Variants in COL14A1 observed in about 807,000 individuals in gnomAD.
COL14A1 encodes the protein collagen alpha-1(XIV) chain.
In COL14A1, 136 loss-of-function variants were observed where a neutral mutation model predicts 230.3. The ratio of observed to expected loss-of-function variants is 0.59; its 90% CI spans 0.51 to 0.68. The LOEUF (loss-of-function observed/expected upper bound fraction) is 0.68. COL14A1 is among the 30% of genes least tolerant of loss of function. The probability of loss-of-function intolerance (pLI) is 0.00; values close to 1 mark genes in which losing one functional copy is unlikely to be tolerated. For missense variants in COL14A1, 1,976 were observed against 2,215.8 expected, an observed-to-expected ratio of 0.89 and a Z score of 2.17; for synonymous variants, 792 against 784.1, an observed-to-expected ratio of 1.01 and a Z score of -0.17.
At chr8:120,204,034 T>A (rs1817347148) in intron 9 of COL14A1, among the ~76,000 whole-genome samples, 164 bp downstream of exon 9, 1 of 152,124 alleles carries the variant, frequency 6.6e-6, no homozygotes, top group South Asian at 2.1e-4. Flanking sequence ...ATTAGCAGGC[T>A]TTGTGGGGGT....
rs397705616 is a variant in COL14A1 at position 120,280,903 on chromosome 8, C to CT, written c.3686-3dup. 0.033 allele frequency: 45,514 copies of CT among 1,368,300 alleles called. 152 individuals carry two copies. The highest frequency in any genetic ancestry group is 0.084 in the African/African-American group (5,538 of 66,316). The allele number at this position is 1,368,300 out of a possible 1,614,324, so 84.8% of individuals were successfully genotyped here. A position where few individuals can be genotyped will look rare whatever the true frequency, so the allele number is the denominator to read the frequency against. On this transcript the variant is annotated splice_polypyrimidine_tract_variant and intron_variant, in intron 30 of 47. Transcript: ENST00000297848. ...ATTCCTTATGTTTATTCTTTTTCTA[C>CT]TTTTTTTTTTTTTTTAGGATTTAAG...
chr8:120,341,338 C>G lies in COL14A1; in HGVS notation c.4799C>G (p.Ala1600Gly), dbSNP rs1822290530. Residue 1600 changes from alanine (A) to glycine (G), a missense_variant, in exon 43 of 48, where the codon GCA becomes GGA. Transcript: ENST00000297848. ...GALGPPGVPG[A>G]KGERGERGDL... ...CCATTTATACAGGGTGTCCCTGGAG[C>G]AAAGGGGGAACGAGGAGAGCGGGTA... The G allele has an allele frequency of 1.2e-6, 2 of 1,614,038 alleles. No homozygotes were observed. Among genetic ancestry groups the G allele is most frequent in the African/African-American group, 1.3e-5 (1 of 74,926 alleles).
chr8:120,166,607 G>GA (rs1433643996), intron 4 of COL14A1, among the ~76,000 whole-genome samples: 1 of 152,108 alleles, frequency 6.6e-6, no homozygotes, highest in Non-Finnish European at 1.5e-5. Context: ...TTTTGTTTTA[G>GA]AAAATGCAAG....
At chr8:120,328,405 T>A (rs895152066) in intron 40 of COL14A1, among the ~76,000 whole-genome samples, 3 of 151,476 alleles carry the variant, frequency 2.0e-5, no homozygotes, top group Non-Finnish European at 4.4e-5. Context: ...TAATTTTTTT[T>A]TTTTTGGTAG....
chr8:120,313,641 G>C (rs1251275380), intron 37 of COL14A1, among the ~76,000 whole-genome samples: 1 of 151,974 alleles, frequency 6.6e-6, no homozygotes, highest in Non-Finnish European at 1.5e-5. Flanking sequence ...GGAGTGTGGG[G>C]GGTCTCATTA....
At chr8:120,235,307 C>G (rs576912872) in intron 19 of COL14A1, among the ~76,000 whole-genome samples, 1 of 152,066 alleles carries the variant, frequency 6.6e-6, no homozygotes, top group African/African-American at 2.4e-5. Context: ...GTTGCTGGGA[C>G]TACAGGCACC....
rs1819552665 is a variant in COL14A1, at chr8:120,268,152, C to T, written c.3073+1269C>T. ...ATCAATCTACTTTGCAGTATTATTT[C>T]CCAGAATACATTATATAATAGCAAA... On this transcript the variant is annotated intron_variant, in intron 25 of 47. Transcript: ENST00000297848. 1.3e-5 allele frequency among the ~76,000 whole-genome samples: 2 copies of T among 151,728 alleles called. 1 individual carries two copies. The highest frequency in any genetic ancestry group is 4.2e-4 in the South Asian group (2 of 4,816).
chr8:120,200,715 T>TTATATATATATATATATATATATA (rs34177030), intron 8 of COL14A1, among the ~76,000 whole-genome samples: 2 of 85,778 alleles, frequency 2.3e-5, no homozygotes, highest in Non-Finnish European at 4.9e-5. Context: ...GTTTTCCTAT[T>TTATATATATATATATATATATATA]TATATATATA....
At chr8:120,219,503 C>G (rs1237399008) in intron 14 of COL14A1, among the ~76,000 whole-genome samples, 1 of 152,154 alleles carries the variant, frequency 6.6e-6, no homozygotes, top group Non-Finnish European at 1.5e-5. Context: ...GTGTATTCCT[C>G]ATAGTTGGAG....
In COL14A1 at chr8:120,283,515, T is replaced by G. The variant is rs1025332910; in HGVS notation, c.3825-121T>G. On this transcript the variant is annotated intron_variant, in intron 31 of 47. Transcript: ENST00000297848. Reference sequence around the variant, plus strand: ...AGATCAACAGTGATCTAGTTGGTGTTAATGGTGGTCTTTTCTGTTTTTCCA... The same window carrying G: ...AGATCAACAGTGATCTAGTTGGTGTGAATGGTGGTCTTTTCTGTTTTTCCA... 23 of 971,376 alleles carry G rather than the reference T, an allele frequency of 2.4e-5. No individual in the cohort carries two copies. The African/African-American group carries it at 2.8e-4, about 12-fold the overall frequency. The allele number at this position is 971,376 out of a possible 1,614,324, so 60.2% of individuals were successfully genotyped here.
At chr8:120,288,160 G>A (rs1820265267) in intron 33 of COL14A1, among the ~76,000 whole-genome samples, 1 of 152,014 alleles carries the variant, frequency 6.6e-6, no homozygotes, top group African/African-American at 2.4e-5. Context: ...GTGTTCTAAG[G>A]CTCAAAAACA....
chr8:120,248,817 T>G (rs1011473686), intron 21 of COL14A1, among the ~76,000 whole-genome samples: 3 of 151,448 alleles, frequency 2.0e-5, no homozygotes, highest in Admixed American at 2.0e-4. Context: ...ATCACACCAC[T>G]GCACTCCAGC....
rs140084810 is a variant in COL14A1 at position 120,280,088 on chromosome 8, C to T, written c.3635C>T (p.Thr1212Ile). 232 of 1,613,670 alleles carry T rather than the reference C, an allele frequency of 1.4e-4. No individual in the cohort carries two copies. Among genetic ancestry groups the T allele is most frequent in the Admixed American group, 1.3e-3 (78 of 59,956 alleles). The change falls in exon 29 of 48, where the codon ACA (threonine) becomes ATA (isoleucine). Residue 1212 changes from threonine to isoleucine, a missense_variant. Physicochemically the swap from Thr to Ile is moderately conservative, Grantham distance 89. Coordinates refer to ENST00000297848, the MANE Select transcript of COL14A1 (RefSeq NM_021110.4). ...EDELITFVCE[T>I]ASATCPVVHK... ...GAGTTAATTACTTTTGTCTGCGAAACAGCATCAGCAAGTTAGTTCTTTGGA... is the reference window on the plus strand; with the variant it reads ...GAGTTAATTACTTTTGTCTGCGAAATAGCATCAGCAAGTTAGTTCTTTGGA...
At chr8:120,132,268 C>T (rs747601187) in intron 1 of COL14A1, among the ~76,000 whole-genome samples, 12 of 152,230 alleles carry the variant, frequency 7.9e-5, no homozygotes, top group Non-Finnish European at 1.3e-4. Context: ...TTTCATTCTT[C>T]TGCATACAGC....
chr8:120,373,106 G>T lies in COL14A1; in HGVS notation c.*1875G>T, dbSNP rs569488255. ...ATTTCCTAGTCCATGACATTTAATA[G>T]TGAGTATAGAGTAGGATATTCTATA... On this transcript the variant is annotated 3_prime_UTR_variant, in exon 48 of 48. Coordinates refer to ENST00000297848, the MANE Select transcript of COL14A1 (RefSeq NM_021110.4). Among the ~76,000 whole-genome samples, 3 of 152,236 alleles carry T rather than the reference G, an allele frequency of 2.0e-5. No individual in the cohort carries two copies. In the East Asian group the frequency reaches 5.8e-4, roughly 29 times the overall value.
chr8:120,247,842 A>G, intron 21 of COL14A1, 107 bp downstream of exon 21: 1 of 1,368,116 alleles, frequency 7.3e-7, no homozygotes, highest in Non-Finnish European at 1.0e-6. Flanking sequence ...GTATTTTTTT[A>G]AAGAAGTAGG....
chr8:120,302,875 T>G (rs989828454), intron 36 of COL14A1, among the ~76,000 whole-genome samples: 4 of 152,216 alleles, frequency 2.6e-5, no homozygotes, highest in Admixed American at 6.5e-5. Flanking sequence ...TCCAAGAGCA[T>G]GAAACGTTTT....
intron 5 of COL14A1, among the ~76,000 whole-genome samples, chr8:120,182,726 G>GTTT (rs756254098): frequency 3.9e-5 from 5 of 129,020 alleles, no homozygotes; most frequent in South Asian, 2.5e-4. Flanking sequence ...ATTTTTCTTC[G>GTTT]TTTTTTTTTT....
At chr8:120,138,172 A>G (rs1364057891) in intron 1 of COL14A1, among the ~76,000 whole-genome samples, 1 of 152,084 alleles carries the variant, frequency 6.6e-6, no homozygotes, top group Admixed American at 6.5e-5. Flanking sequence ...ATACCAATAT[A>G]TTGTCTAATT....
Sources: gnomAD v4.1 joint callset for allele counts (sites outside exome capture counted in the v4.1 genomes callset) on GRCh38, gnomAD v4.1.1 for gene constraint, MANE v1.5 for transcripts, NCBI Gene and HGNC (gene_info 2026-07-23, HGNC 2026-07-21) for gene names.